The following AMBN variants were observed in gnomAD, a reference collection of about 807,000 sequenced individuals.
The protein encoded by AMBN is enamel matrix protein.
Under a neutral mutation model 48.0 loss-of-function variants are expected in AMBN, and 54 were observed. That is an observed-to-expected ratio of 1.12 (90% CI 0.90 to 1.41). The LOEUF (loss-of-function observed/expected upper bound fraction) is 1.41. AMBN is among the 40% of genes most tolerant of loss of function. The pLI, the probability that AMBN is intolerant of heterozygous loss-of-function variation, is 0.00. For synonymous variants in AMBN, 186 were observed against 190.0 expected (o/e 0.98, Z 0.17); for missense variants, 571 against 547.3 (o/e 1.04, Z -0.43).
intron 1 of AMBN, 60 bp downstream of exon 1, chr4:70,592,433 T>G: frequency 1.9e-6 from 3 of 1,567,930 alleles, no homozygotes; most frequent in East Asian, 2.2e-5. Flanking sequence ...TCCTATCTCC[T>G]GACAGCTTTT....
chr4:70,602,864 C>A (rs1022855801), intron 8 of AMBN, 28 bp downstream of exon 8: 1 of 1,557,130 alleles, frequency 6.4e-7, no homozygotes, highest in Non-Finnish European at 8.7e-7. Context: ...TGAGACACTT[C>A]TATTTTTTAT....
intron 4 of AMBN, among the ~76,000 whole-genome samples, chr4:70,598,691 T>C (rs144800041): frequency 0.013 from 1,922 of 152,194 alleles, 17 homozygotes; most frequent in Non-Finnish European, 0.018. Context: ...TTTATGCAAA[T>C]ATTGCAGACT....
chr4:70,598,296 A>T (rs768264470), intron 3 of AMBN, 60 bp from the exon 4 acceptor site: 11 of 1,204,762 alleles, frequency 9.1e-6, no homozygotes, highest in Non-Finnish European at 1.3e-5. Context: ...ATCATGAGAA[A>T]TCAGTTGTGT....
At chr4:70,596,883 C>A in intron 2 of AMBN, 116 bp from the exon 3 acceptor site, 6 of 733,780 alleles carry the variant, frequency 8.2e-6, no homozygotes, top group Non-Finnish European at 1.3e-5. Flanking sequence ...GCATAATAAA[C>A]CAAAATGGTG....
Position 70,606,322 on chromosome 4 carries a change from C to A in AMBN, c.936C>A (p.Ala312=). ...TGGAATTTGACTCCCCAGTGGCTGC[C>A]ACCAAAGGCCCTGAGAACGAAGAAG... The part of the protein sequence containing the change: ...FTLEFDSPVA[A]TKGPENEEGG... Residue 312 remains alanine (A), a synonymous_variant, in exon 13 of 13, where the codon GCC becomes GCA. Transcript: ENST00000322937. The A allele has an allele frequency of 6.2e-7, 1 of 1,614,088 alleles. No individual in the cohort carries two copies. Among genetic ancestry groups the A allele is most frequent in the Non-Finnish European group, 8.5e-7 (1 of 1,179,996 alleles).
At chr4:70,598,171 T>C (rs958433562) in intron 3 of AMBN, among the ~76,000 whole-genome samples, 185 bp from the exon 4 acceptor site, 1 of 152,230 alleles carries the variant, frequency 6.6e-6, no homozygotes, top group Non-Finnish European at 1.5e-5. Context: ...TTAATAGCAA[T>C]AATAATAACA....
chr4:70,599,882 C>T (rs989384883), intron 5 of AMBN, among the ~76,000 whole-genome samples: 4 of 152,122 alleles, frequency 2.6e-5, no homozygotes, highest in Admixed American at 2.6e-4. Flanking sequence ...AAATATGAGA[C>T]CTATATTAAA....
intron 6 of AMBN, chr4:70,602,019 G>A: frequency 2.3e-6 from 1 of 444,256 alleles, no homozygotes; most frequent in South Asian, 1.6e-5. Flanking sequence ...TGATCCCTCA[G>A]CATAACAAGT....
chr4:70,600,744 A>G (rs1737502905), intron 5 of AMBN, among the ~76,000 whole-genome samples: 1 of 152,212 alleles, frequency 6.6e-6, no homozygotes, highest in South Asian at 2.1e-4. Context: ...CGTTTAATAT[A>G]TGGACTCAGA....
chr4:70,593,350 CCTGATA>C lies in AMBN; in HGVS notation c.45_50del (p.Ile17_Leu18del), dbSNP rs1560385417. 6.2e-7 allele frequency: 1 copy of C among 1,611,794 alleles called. No individual in the cohort carries two copies. Among genetic ancestry groups the C allele is most frequent in the Non-Finnish European group, 8.5e-7 (1 of 1,178,282 alleles). ...AGATTCCACTTTTCAAAATGAAGGA[CCTGATA>C]CTGATCCTATGCCTCCTGGAAATGA... On this transcript the variant is annotated inframe_deletion, in exon 2 of 13. Coordinates refer to ENST00000322937, the MANE Select transcript of AMBN (RefSeq NM_016519.6).
intron 2 of AMBN, among the ~76,000 whole-genome samples, chr4:70,594,931 G>A (rs1354788367): frequency 2.0e-5 from 3 of 152,160 alleles, no homozygotes; most frequent in African/African-American, 4.8e-5. Context: ...GTATACATTC[G>A]TGTAAATATT....
intron 6 of AMBN, chr4:70,601,861 T>C (rs963587281): frequency 2.9e-6 from 2 of 683,670 alleles, no homozygotes. Flanking sequence ...AGACAGGGCA[T>C]GGATTCTAAA....
chr4:70,597,639 T>G (rs572199718), intron 3 of AMBN, among the ~76,000 whole-genome samples: 3 of 152,116 alleles, frequency 2.0e-5, no homozygotes, highest in Non-Finnish European at 4.4e-5. Flanking sequence ...ATTTATAAGA[T>G]TATAAATTTT....
At chr4:70,595,220 C>T (rs1737361716) in intron 2 of AMBN, among the ~76,000 whole-genome samples, 1 of 126,110 alleles carries the variant, frequency 7.9e-6, no homozygotes, top group Admixed American at 8.9e-5. Flanking sequence ...TACAGTCTGG[C>T]TCTGTTGCCC....
chr4:70,599,485 T>G, intron 4 of AMBN, 51 bp from the exon 5 acceptor site: 1 of 1,356,386 alleles, frequency 7.4e-7, no homozygotes, highest in South Asian at 1.3e-5. Context: ...ATAACCAATG[T>G]TATATTTAAC....
At position 70,599,608 on chromosome 4, in the gene AMBN, C is replaced by A. The variant is rs777368202; in HGVS notation, c.256C>A (p.Leu86Ile). The change falls in exon 5 of 13, where the codon CTT becomes ATT. Residue 86 changes from leucine to isoleucine, a missense_variant. Coordinates refer to ENST00000322937, the MANE Select transcript of AMBN (RefSeq NM_016519.6). ...MHGLLPPHSSLPWMRPREHET... is the reference protein window; with the variant it reads ...MHGLLPPHSSIPWMRPREHET... Reference sequence around the variant, plus strand: ...CGGTCTCCTCCCACCACATTCCTCTCTTCCATGGATGAGGCCAAGAGAACA... The same window carrying A: ...CGGTCTCCTCCCACCACATTCCTCTATTCCATGGATGAGGCCAAGAGAACA... 1.2e-6 allele frequency: 2 copies of A among 1,613,596 alleles called. No individual in the cohort carries two copies. Among genetic ancestry groups the A allele is most frequent in the Non-Finnish European group, 1.7e-6 (2 of 1,179,754 alleles).
At chr4:70,601,308 T>TA in intron 5 of AMBN, 110 bp from the exon 6 acceptor site, 5 of 1,093,006 alleles carry the variant, frequency 4.6e-6, no homozygotes, top group Non-Finnish European at 6.7e-6. Context: ...ACAAGTCTCC[T>TA]AGCCTCCCTT....
chr4:70,601,545 A>G lies in AMBN; in HGVS notation c.422A>G (p.Lys141Arg). The G allele has an allele frequency of 6.2e-7, 1 of 1,614,168 alleles. No individual in the cohort carries two copies. Among genetic ancestry groups the G allele is most frequent in the South Asian group, 1.1e-5 (1 of 91,078 alleles). ...AATTNQATAL[K>R]EALQPPIHLG... The stretch of plus-strand genomic sequence containing the variant: ...ACCACCAACCAGGCCACAGCACTGA[A>G]AGAAGCACTTCAGCCTCCAATTCAC... The change falls in exon 6 of 13, where the codon AAA becomes AGA. Residue 141 changes from lysine to arginine, a missense_variant. By Grantham distance (26) the Lys-to-Arg change is conservative (BLOSUM62 2). Transcript: ENST00000322937.
Position 70,600,455 on chromosome 4 carries a change from A to G in AMBN, c.294+809A>G, listed in dbSNP as rs114441254. 9.5e-3 allele frequency among the ~76,000 whole-genome samples: 1,453 copies of G among 152,336 alleles called. 28 individuals are homozygous for G. The highest frequency in any genetic ancestry group is 0.033 in the African/African-American group (1,386 of 41,578). ...TTGGTAGTAAAAGCGAAGACATTTA[A>G]GAATGGCTCCAAGGATTGTGAAATT... On this transcript the variant is annotated intron_variant, in intron 5 of 12. Transcript: ENST00000322937.
Sources: allele counts gnomAD v4.1 joint callset (sites outside exome capture counted in the v4.1 genomes callset), GRCh38; gene constraint gnomAD v4.1.1; transcripts MANE v1.5; gene names NCBI Gene and HGNC (gene_info 2026-07-23, HGNC 2026-07-21).